The following SLC6A2 variants were observed in gnomAD, a reference collection of about 807,000 sequenced individuals.
The protein encoded by SLC6A2 is sodium-dependent noradrenaline transporter.
Under a neutral mutation model 71.7 loss-of-function variants are expected in SLC6A2, and 26 were observed. The ratio of observed to expected loss-of-function variants is 0.36; its 90% CI spans 0.27 to 0.50. The LOEUF is 0.50. Ranked by LOEUF, SLC6A2 falls within the 20% of genes least tolerant of loss-of-function variation. The pLI is 0.96. For synonymous variants in SLC6A2, 363 were observed against 337.9 expected (o/e 1.07, Z -0.82); for missense variants, 581 against 803.9 (o/e 0.72, Z 3.35).
At position 55,703,870 on chromosome 16, in the gene SLC6A2, G is replaced by A. The variant is rs143206060; in HGVS notation, c.*1524G>A. 12 of 943,772 alleles carry A rather than the reference G, an allele frequency of 1.3e-5. No homozygotes were observed. Among genetic ancestry groups the A allele is most frequent in the African/African-American group, 3.5e-5 (2 of 56,438 alleles). 58.5% of individuals were successfully genotyped at this position (943,772 alleles called of 1,614,324 possible). A position where few individuals can be genotyped will look rare whatever the true frequency, so the allele number is the denominator to read the frequency against. On this transcript the variant is annotated 3_prime_UTR_variant, in exon 15 of 15. Coordinates refer to ENST00000568943, the MANE Select transcript of SLC6A2 (RefSeq NM_001172501.3). Reference sequence around the variant, plus strand: ...AGGATTATGAGGGGACCAGGGTGGGGCAGGGAGATGGTTTTGTCTCCCAGG... The same window carrying A: ...AGGATTATGAGGGGACCAGGGTGGGACAGGGAGATGGTTTTGTCTCCCAGG...
intron 2 of SLC6A2, among the ~76,000 whole-genome samples, chr16:55,662,265 T>A (rs540793736): frequency 1.3e-5 from 2 of 152,344 alleles, no homozygotes; most frequent in East Asian, 1.9e-4. Flanking sequence ...TAAGTAAGGA[T>A]TAGGCCACAG....
chr16:55,661,752 TG>T (rs1250029760), intron 2 of SLC6A2, among the ~76,000 whole-genome samples: 1 of 152,148 alleles, frequency 6.6e-6, no homozygotes, highest in Non-Finnish European at 1.5e-5. Flanking sequence ...ACCTGGTAAA[TG>T]GGGTTTATAA....
chr16:55,700,339 G>T, intron 13 of SLC6A2, 33 bp downstream of exon 13: 1 of 1,592,044 alleles, frequency 6.3e-7, no homozygotes. Context: ...GGAACAGGGT[G>T]GGAGGGGGCT....
intron 4 of SLC6A2, among the ~76,000 whole-genome samples, chr16:55,680,620 C>A (rs1361670492): frequency 1.3e-5 from 2 of 152,146 alleles, no homozygotes; most frequent in Non-Finnish European, 2.9e-5. Flanking sequence ...TTTCCGAGTT[C>A]ACTGACTTAA....
intron 2 of SLC6A2, among the ~76,000 whole-genome samples, chr16:55,660,612 G>A (rs1056863306): frequency 4.6e-5 from 7 of 152,324 alleles, no homozygotes; most frequent in Middle Eastern, 3.4e-3. Flanking sequence ...TTTAAGACTG[G>A]AGTTTGAGTC....
At chr16:55,677,050 G>A (rs190000435) in intron 4 of SLC6A2, among the ~76,000 whole-genome samples, 67 of 152,282 alleles carry the variant, frequency 4.4e-4, no homozygotes, top group African/African-American at 1.4e-3. Flanking sequence ...TCCAGCCAAC[G>A]TTGGAAGCCC....
chr16:55,686,916 G>A (rs1965469755), intron 5 of SLC6A2, among the ~76,000 whole-genome samples: 2 of 152,206 alleles, frequency 1.3e-5, no homozygotes, highest in African/African-American at 2.4e-5. Context: ...GGGTATATAA[G>A]TTTGGGGAAC....
At chr16:55,657,583 C>T (rs1365980166) in intron 2 of SLC6A2, among the ~76,000 whole-genome samples, 1 of 152,212 alleles carries the variant, frequency 6.6e-6, no homozygotes. Flanking sequence ...GGGAGCACAG[C>T]CCAGGTGGAA....
chr16:55,699,838 G>T (rs1467357527), intron 12 of SLC6A2, among the ~76,000 whole-genome samples, 184 bp downstream of exon 12: 1 of 151,814 alleles, frequency 6.6e-6, no homozygotes, highest in Non-Finnish European at 1.5e-5. Flanking sequence ...CTTACTAGGG[G>T]GTTCTCCAGC....
At chr16:55,696,575 G>T (rs1413905374) in intron 9 of SLC6A2, among the ~76,000 whole-genome samples, 1 of 152,306 alleles carries the variant, frequency 6.6e-6, no homozygotes, top group East Asian at 1.9e-4. Context: ...AAAAGAAGAG[G>T]CTTCAGATAA....
intron 5 of SLC6A2, among the ~76,000 whole-genome samples, chr16:55,688,310 C>G (rs1204408642): frequency 3.9e-5 from 6 of 152,280 alleles, no homozygotes; most frequent in African/African-American, 1.4e-4. Flanking sequence ...TGTGCTGGTC[C>G]TGGCTTGCTT....
At chr16:55,662,711 A>T (rs1428898156) in intron 2 of SLC6A2, among the ~76,000 whole-genome samples, 1 of 152,212 alleles carries the variant, frequency 6.6e-6, no homozygotes, top group African/African-American at 2.4e-5. Flanking sequence ...GAGAATTACC[A>T]CATGAGGAGG....
At chr16:55,701,152 G>A (rs1319977105) in intron 13 of SLC6A2, among the ~76,000 whole-genome samples, 2 of 152,120 alleles carry the variant, frequency 1.3e-5, no homozygotes, top group African/African-American at 2.4e-5. Flanking sequence ...TCAAGGGCAG[G>A]TAAACAAAAT....
Position 55,703,007 on chromosome 16 carries a change from ATT to A in SLC6A2, c.*662_*663del. 1 of 986,820 alleles carries A rather than the reference ATT, an allele frequency of 1.0e-6. No homozygotes were observed. The highest frequency in any genetic ancestry group is 1.2e-6 in the Non-Finnish European group (1 of 830,938). The allele number at this position is 986,820 out of a possible 1,614,324, so 61.1% of individuals were successfully genotyped here. Reference sequence around the variant, plus strand: ...GAGTTTGATGTGTGTGTTCTGGAACATTCCTCCAGCTTTTGGTGGTCAGATGG... The same window carrying A: ...GAGTTTGATGTGTGTGTTCTGGAACACCTCCAGCTTTTGGTGGTCAGATGG... On this transcript the variant is annotated 3_prime_UTR_variant, in exon 15 of 15. Transcript: ENST00000568943.
At chr16:55,676,072 C>A (rs1251882564) in intron 4 of SLC6A2, among the ~76,000 whole-genome samples, 3 of 152,188 alleles carry the variant, frequency 2.0e-5, no homozygotes, top group Non-Finnish European at 4.4e-5. Context: ...GGGTCCTGTA[C>A]CTGCATCCAC....
In SLC6A2 at chr16:55,682,176, G is replaced by A. The variant is rs1371865201; in HGVS notation, c.645-2967G>A. Reference sequence around the variant, plus strand: ...CCTGCCTTGGCCTCCCAAAGTGCTGGAATTATAGGCATGAGCCACCATGCC... The same window carrying A: ...CCTGCCTTGGCCTCCCAAAGTGCTGAAATTATAGGCATGAGCCACCATGCC... On this transcript the variant is annotated intron_variant, in intron 4 of 14. Transcript: ENST00000568943. Among the ~76,000 whole-genome samples the A allele has an allele frequency of 2.6e-5, 4 of 152,186 alleles. No homozygotes were observed. In the South Asian group the frequency reaches 6.2e-4, roughly 24 times the overall value.
intron 14 of SLC6A2, 78 bp downstream of exon 14, chr16:55,702,012 C>A: frequency 1.8e-6 from 2 of 1,107,498 alleles, no homozygotes; most frequent in Non-Finnish European, 1.4e-6. Context: ...CTGCCCAAGG[C>A]TAGACATCAC....
intron 13 of SLC6A2, among the ~76,000 whole-genome samples, chr16:55,700,545 G>T (rs575756850): frequency 6.6e-6 from 1 of 152,104 alleles, no homozygotes. Flanking sequence ...AGTGTCTGGC[G>T]CACAGGAGGT....
At chr16:55,663,560 A>T (rs867426869) in intron 2 of SLC6A2, among the ~76,000 whole-genome samples, 22 of 152,280 alleles carry the variant, frequency 1.4e-4, no homozygotes, top group Middle Eastern at 6.8e-3. Flanking sequence ...TGCTAAACAG[A>T]CCAAGGCACT....
Sources: gnomAD v4.1 joint callset for allele counts (sites outside exome capture counted in the v4.1 genomes callset) on GRCh38, gnomAD v4.1.1 for gene constraint, MANE v1.5 for transcripts, NCBI Gene and HGNC (gene_info 2026-07-23, HGNC 2026-07-21) for gene names.